The following TOP3B variants were observed in gnomAD, a reference collection of about 807,000 sequenced individuals.
TOP3B encodes DNA topoisomerase 3-beta-1.
TOP3B carries 45 observed loss-of-function variants against 93.9 expected under a neutral mutation model. The ratio of observed to expected loss-of-function variants is 0.48; its 90% CI spans 0.38 to 0.61. The LOEUF (loss-of-function observed/expected upper bound fraction) is 0.61. Ranked by LOEUF, TOP3B falls within the 20% of genes least tolerant of loss-of-function variation. The pLI is 0.00. For synonymous variants in TOP3B, 357 were observed against 472.6 expected (o/e 0.76, Z 3.17); for missense variants, 750 against 1,156.1 (o/e 0.65, Z 5.09).
Position 21,960,338 on chromosome 22 carries a change from T to C in TOP3B, c.1637A>G (p.His546Arg). The C allele has an allele frequency of 6.2e-7, 1 of 1,613,516 alleles. No homozygotes were observed. Residue 546 changes from histidine (H) to arginine (R), a missense_variant, in exon 14 of 18, where the codon CAC (histidine) becomes CGC (arginine). Physicochemically the swap from His to Arg is conservative, Grantham distance 29. This residue lies in a region of TOP3B where 737 missense variants were observed against 933.7 expected (regional missense o/e 0.79). Transcript: ENST00000357179. ...KPTNLGIVLV[H>R]GYYKIDAELV... ...GAACTCACCAATCTTATAGTAGCCG[T>C]GCACCAGGACGATGCCGAGGTTGGT...
chr22:21,962,501 C>A lies in TOP3B; in HGVS notation c.1453G>T (p.Glu485Ter). 1 of 1,613,790 alleles carries A rather than the reference C, an allele frequency of 6.2e-7. No homozygotes were observed. Among genetic ancestry groups the A allele is most frequent in the Non-Finnish European group, 8.5e-7 (1 of 1,180,014 alleles). ...AFPVGEVKML[E>*]KQTNPPDYLT... is the part of the protein sequence containing the mutation. ...TAGTCGGGTGGGTTCGTCTGCTTCT[C>A]CAGCATCTTCACCTCGCCCACAGGG... The change falls in exon 13 of 18, where the codon GAG becomes TAG. Residue 485 changes from glutamate to a stop codon, truncating the protein, a stop_gained. Transcript: ENST00000357179. LOFTEE classifies it high-confidence loss of function.
chr22:21,975,737 T>G lies in TOP3B; in HGVS notation c.-28A>C, dbSNP rs746059711. On this transcript the variant is annotated 5_prime_UTR_variant, in exon 2 of 18. Coordinates refer to ENST00000357179, the MANE Select transcript of TOP3B (RefSeq NM_001282112.2). ...TGTCTCGGTCCTTCACACTCCAGTTTCGGGGCACTGGCAATGAAAAAGTTT... is the reference window on the plus strand; with the variant it reads ...TGTCTCGGTCCTTCACACTCCAGTTGCGGGGCACTGGCAATGAAAAAGTTT... 3 of 1,592,026 alleles carry G rather than the reference T, an allele frequency of 1.9e-6. No homozygotes were observed. In the East Asian group the frequency reaches 6.8e-5, roughly 36 times the overall value.
At chr22:21,974,521 C>T in intron 2 of TOP3B, 33 bp from the exon 3 acceptor site, 1 of 1,565,566 alleles carries the variant, frequency 6.4e-7, no homozygotes, top group Non-Finnish European at 8.7e-7. Flanking sequence ...TGACTGGCTG[C>T]TTCAGCTGAG....
At chr22:21,959,796 C>T in intron 14 of TOP3B, 60 bp from the exon 15 acceptor site, 1 of 1,575,650 alleles carries the variant, frequency 6.3e-7, no homozygotes, top group Non-Finnish European at 8.6e-7. Context: ...CCATGCCACC[C>T]CTTCCCAGGC....
At position 21,982,761 on chromosome 22, in the gene TOP3B, C is replaced by G. The variant is rs989158580; in HGVS notation, c.-130G>C. On this transcript the variant is annotated 5_prime_UTR_variant, in exon 1 of 18. Coordinates refer to ENST00000357179, the MANE Select transcript of TOP3B (RefSeq NM_001282112.2). ...CCGCACCGCGGATCCAGCTCCGGTCCTTGTTCCCGGGGCGGCTACCGACAA... is the reference window on the plus strand; with the variant it reads ...CCGCACCGCGGATCCAGCTCCGGTCGTTGTTCCCGGGGCGGCTACCGACAA... 6.6e-6 allele frequency: 1 copy of G among 152,242 alleles called. No individual in the cohort carries two copies. Among genetic ancestry groups the G allele is most frequent in the African/African-American group, 2.4e-5 (1 of 41,474 alleles). The allele number at this position is 152,242 out of a possible 1,614,324, so 9.4% of individuals were successfully genotyped here. A position where few individuals can be genotyped will look rare whatever the true frequency, so the allele number is the denominator to read the frequency against.
intron 6 of TOP3B, chr22:21,969,059 C>T: frequency 2.8e-6 from 1 of 360,446 alleles, no homozygotes; most frequent in Non-Finnish European, 5.1e-6. Context: ...CTCAGGACCC[C>T]CAGAGCACAG....
At chr22:21,976,656 A>T (rs2071882819) in intron 1 of TOP3B, 1 of 152,198 alleles carries the variant, frequency 6.6e-6, no homozygotes, top group African/African-American at 2.4e-5. Flanking sequence ...ATCATCAGCG[A>T]CTACTTCACC....
In TOP3B at chr22:21,970,980, T is replaced by C. The variant is rs2071613752; in HGVS notation, c.385-574A>G. The C allele has an allele frequency of 7.9e-7, 1 of 1,263,006 alleles. No individual in the cohort carries two copies. Among genetic ancestry groups the C allele is most frequent in the Non-Finnish European group, 1.0e-6 (1 of 965,894 alleles). 78.2% of individuals were successfully genotyped at this position (1,263,006 alleles called of 1,614,324 possible). A position where few individuals can be genotyped will look rare whatever the true frequency, so the allele number is the denominator to read the frequency against. On this transcript the variant is annotated intron_variant, in intron 5 of 17. Coordinates refer to ENST00000357179, the MANE Select transcript of TOP3B (RefSeq NM_001282112.2). The surrounding 1 kb of genome is among the most constrained non-coding windows in gnomAD (Gnocchi z 4.4). ...CAGGGGTCCTGGAGCCGAGACTCAC[T>C]AGGAAGGCCGTGCAGTGGGACTAGG...
At chr22:21,972,575 G>A (rs1227023547) in intron 4 of TOP3B, 37 bp downstream of exon 4, 6 of 1,477,636 alleles carry the variant, frequency 4.1e-6, no homozygotes, top group Non-Finnish European at 5.6e-6. Context: ...AGGGTGGGGA[G>A]CCCCGGTGTG....
rs539202313 is a variant in TOP3B at position 21,972,660 on chromosome 22, C to T, written c.261G>A (p.Thr87=). Residue 87 remains threonine (T), a synonymous_variant, in exon 4 of 18, where the codon ACG becomes ACA. Transcript: ENST00000357179. Reference sequence around the variant, plus strand: ...GCTTGGGGTTAGCTTCTTTCTTCTCCGTGGGAGCTTGGCTGAACAGTTCTG... The same window carrying T: ...GCTTGGGGTTAGCTTCTTTCTTCTCTGTGGGAGCTTGGCTGAACAGTTCTG... ...DPAELFSQAP[T]EKKEANPKLN... is the part of the protein sequence containing the mutation. The T allele has an allele frequency of 2.5e-5, 40 of 1,612,330 alleles. No homozygotes were observed. Among genetic ancestry groups the T allele is most frequent in the South Asian group, 2.2e-4 (20 of 91,050 alleles).
rs755238939 is a variant in TOP3B, at chr22:21,962,921, G to T, written c.1205-28C>A. The stretch of plus-strand genomic sequence containing the variant: ...GCAACAGGCCAGGGCTAGTCAGTTG[G>T]GAGCCAGCTGGGGGCTCTGGCCGTG... On this transcript the variant is annotated intron_variant, in intron 11 of 17. Transcript: ENST00000357179. The T allele has an allele frequency of 3.6e-5, 58 of 1,604,978 alleles. 1 individual carries two copies. The South Asian group carries it at 6.4e-4, about 18-fold the overall frequency.
In TOP3B at chr22:21,967,480, CTG is replaced by C. The variant is rs778314081; in HGVS notation, c.852+121_852+122del. 7.6e-5 allele frequency: 57 copies of C among 752,094 alleles called. 1 individual carries two copies. Among genetic ancestry groups the C allele is most frequent in the East Asian group, 3.0e-4 (12 of 40,338 alleles). The allele number at this position is 752,094 out of a possible 1,614,324, so 46.6% of individuals were successfully genotyped here. ...ACCATTCAGCTTTCCAAAAAGATGTCTGTGTTTCAGAAAGGGGGAGAAAGACG... is the reference window on the plus strand; with the variant it reads ...ACCATTCAGCTTTCCAAAAAGATGTCTGTTTCAGAAAGGGGGAGAAAGACG... On this transcript the variant is annotated intron_variant, in intron 8 of 17. Transcript: ENST00000357179.
chr22:21,971,287 C>T lies in TOP3B; in HGVS notation c.384+590G>A, dbSNP rs971795289. The T allele has an allele frequency of 8.0e-6, 2 of 250,786 alleles. No individual in the cohort carries two copies. The highest frequency in any genetic ancestry group is 4.2e-5 in the African/African-American group (1 of 23,956). 15.5% of individuals were successfully genotyped at this position (250,786 alleles called of 1,614,324 possible). On this transcript the variant is annotated intron_variant, in intron 5 of 17. Coordinates refer to ENST00000357179, the MANE Select transcript of TOP3B (RefSeq NM_001282112.2). This position sits in a 1 kb window ranked among gnomAD's most constrained non-coding sequence, Gnocchi z 4.6. ...TGGGGGTACAGGAGCACGGGGGCGA[C>T]CCATAGAACAACAGTCTGAAGGGCA...
rs948629996 is a variant in TOP3B, at chr22:21,982,739, C to A, written c.-108G>T. 6.6e-6 allele frequency: 1 copy of A among 152,270 alleles called. No individual in the cohort carries two copies. The highest frequency in any genetic ancestry group is 6.5e-5 in the Admixed American group (1 of 15,290). 9.4% of individuals were successfully genotyped at this position (152,270 alleles called of 1,614,324 possible). On this transcript the variant is annotated 5_prime_UTR_variant, in exon 1 of 18. Transcript: ENST00000357179. The stretch of plus-strand genomic sequence containing the variant: ...GCAGCCCGCCGCTCACCCACAGCCG[C>A]ACCGCGGATCCAGCTCCGGTCCTTG...
chr22:21,964,466 C>T, intron 9 of TOP3B, 151 bp from the exon 10 acceptor site: 1 of 875,514 alleles, frequency 1.1e-6, no homozygotes, highest in Non-Finnish European at 1.7e-6. Flanking sequence ...TGCAAAGCTG[C>T]TGGCCGGGTG....
chr22:21,970,071 T>C lies in TOP3B; in HGVS notation c.581+139A>G, dbSNP rs2071571920. On this transcript the variant is annotated intron_variant, in intron 6 of 17. Coordinates refer to ENST00000357179, the MANE Select transcript of TOP3B (RefSeq NM_001282112.2). The surrounding 1 kb of genome is among the most constrained non-coding windows in gnomAD (Gnocchi z 4.4). ...AGGTGTTAGCCACTGTGCCTGGCCT[T>C]CTTCAGGGTTGGTGAAATCCCCTGT... The C allele has an allele frequency of 1.1e-6, 1 of 886,888 alleles. No homozygotes were observed. Among genetic ancestry groups the C allele is most frequent in the South Asian group, 1.7e-5 (1 of 59,846 alleles). 54.9% of individuals were successfully genotyped at this position (886,888 alleles called of 1,614,324 possible). A position where few individuals can be genotyped will look rare whatever the true frequency, so the allele number is the denominator to read the frequency against.
chr22:21,967,863 G>T, intron 7 of TOP3B, 147 bp from the exon 8 acceptor site: 1 of 627,476 alleles, frequency 1.6e-6, no homozygotes, highest in Non-Finnish European at 2.8e-6. Flanking sequence ...ACCTGTTCAG[G>T]TGGGCAGATA....
At chr22:21,981,566 G>A (rs1397896791) in intron 1 of TOP3B, among the ~76,000 whole-genome samples, 1 of 152,192 alleles carries the variant, frequency 6.6e-6, no homozygotes, top group Middle Eastern at 3.2e-3. Context: ...CGAGGCTGAG[G>A]CAGGTGGATC....
chr22:21,960,136 C>T (rs867208861), intron 14 of TOP3B, 185 bp downstream of exon 14: 31 of 880,254 alleles, frequency 3.5e-5, no homozygotes, highest in Non-Finnish European at 5.2e-5. Flanking sequence ...ACACACTGAG[C>T]TCCTGCTCTG....
Sources: gnomAD v4.1 joint callset for allele counts (sites outside exome capture counted in the v4.1 genomes callset) on GRCh38, gnomAD v4.1.1 for gene constraint, gnomAD v4.1.1 regional missense constraint, Gnocchi (gnomAD v3.1) non-coding constraint, MANE v1.5 for transcripts, NCBI Gene and HGNC (gene_info 2026-07-23, HGNC 2026-07-21) for gene names.